The following RIPOR3 variants were observed in gnomAD, a reference collection of about 807,000 sequenced individuals.
RIPOR3 encodes the protein RIPOR family member 3.
In RIPOR3, 95 loss-of-function variants were observed where a neutral mutation model predicts 114.3. The ratio of observed to expected loss-of-function variants is 0.83; its 90% CI spans 0.70 to 0.99. The LOEUF (loss-of-function observed/expected upper bound fraction) is 0.99. Ranked by LOEUF, RIPOR3 falls within the 50% of genes least tolerant of loss-of-function variation. The pLI, the probability that RIPOR3 is intolerant of heterozygous loss-of-function variation, is 0.00. For missense variants in RIPOR3, 1,252 were observed against 1,266.9 expected (o/e 0.99, Z 0.18); for synonymous variants, 575 against 543.8 (o/e 1.06, Z -0.80).
In RIPOR3 at chr20:50,610,883, G is replaced by A; in HGVS notation, c.396C>T (p.His132=). Residue 132 remains histidine, a synonymous_variant, in exon 6 of 22, where the codon CAC becomes CAT. Transcript: ENST00000327979. ...TGATGTGAAACTCCATCTTCCGAAT[G>A]TGCCTTTCCACACAGCGCGTTTGCT... ...LDKQTRCVER[H]IRKMEFHISK... is the part of the protein sequence containing the mutation. 4 of 1,614,220 alleles carry A rather than the reference G, an allele frequency of 2.5e-6. No individual in the cohort carries two copies. Among genetic ancestry groups the A allele is most frequent in the Non-Finnish European group, 3.4e-6 (4 of 1,180,046 alleles).
chr20:50,641,671 C>T (rs2085201842), intron 1 of RIPOR3, among the ~76,000 whole-genome samples: 1 of 152,248 alleles, frequency 6.6e-6, no homozygotes, highest in South Asian at 2.1e-4. Context: ...CTCCAGGCCA[C>T]AGGCTCCTTC....
chr20:50,633,702 G>T (rs920420391), intron 1 of RIPOR3, among the ~76,000 whole-genome samples: 30 of 152,146 alleles, frequency 2.0e-4, no homozygotes, highest in Admixed American at 1.7e-3. Flanking sequence ...CCACTTCAAG[G>T]TCAGAGAGAA....
At chr20:50,624,306 G>A (rs1178303023) in intron 2 of RIPOR3, among the ~76,000 whole-genome samples, 1 of 152,194 alleles carries the variant, frequency 6.6e-6, no homozygotes, top group Non-Finnish European at 1.5e-5. Context: ...CTCGGGAAAA[G>A]GCAGGTTTCT....
Position 50,619,999 on chromosome 20 carries a change from T to C in RIPOR3, c.256A>G (p.Lys86Glu). 6.2e-7 allele frequency: 1 copy of C among 1,612,466 alleles called. No individual in the cohort carries two copies. The highest frequency in any genetic ancestry group is 1.7e-5 in the Admixed American group (1 of 59,992). ...QQVKKIFEAL[K>E]RGLKEYLCVQ... ...GCCCAGCCTTACTTGAGGCCTCTTTTCAATGCTTCGAAGATCTTCTTCACC... is the reference window on the plus strand; with the variant it reads ...GCCCAGCCTTACTTGAGGCCTCTTTCCAATGCTTCGAAGATCTTCTTCACC... Residue 86 changes from lysine to glutamate, a missense_variant, in exon 3 of 22, where the codon AAA becomes GAA. Lys to Glu is a moderately conservative substitution (Grantham distance 56). Coordinates refer to ENST00000327979, the MANE Select transcript of RIPOR3 (RefSeq NM_001290268.2).
intron 2 of RIPOR3, among the ~76,000 whole-genome samples, chr20:50,627,958 C>T (rs1402016482): frequency 6.6e-6 from 1 of 152,220 alleles, no homozygotes; most frequent in Non-Finnish European, 1.5e-5. Context: ...CAGCCCCACT[C>T]CAGGGCACAC....
At chr20:50,616,897 C>T (rs2084193359) in intron 3 of RIPOR3, among the ~76,000 whole-genome samples, 1 of 152,202 alleles carries the variant, frequency 6.6e-6, no homozygotes, top group Non-Finnish European at 1.5e-5. Context: ...AATCCTAACA[C>T]TTTGGGAGGC....
intron 1 of RIPOR3, among the ~76,000 whole-genome samples, chr20:50,634,271 C>T (rs1008268337): frequency 4.6e-5 from 7 of 152,040 alleles, no homozygotes; most frequent in African/African-American, 9.7e-5. Flanking sequence ...CGTGAGCCAC[C>T]GCGCCTGACC....
At chr20:50,597,523 G>T in intron 14 of RIPOR3, 57 bp downstream of exon 14, 1 of 1,558,756 alleles carries the variant, frequency 6.4e-7, no homozygotes, top group East Asian at 2.4e-5. Flanking sequence ...CGTGGAGCTC[G>T]GGTCACCCGG....
At chr20:50,632,772 C>A (rs973049034) in intron 1 of RIPOR3, among the ~76,000 whole-genome samples, 2 of 152,196 alleles carry the variant, frequency 1.3e-5, no homozygotes, top group Non-Finnish European at 2.9e-5. Context: ...AACTGAGGCT[C>A]AGAGAGGTGA....
intron 1 of RIPOR3, among the ~76,000 whole-genome samples, chr20:50,671,376 C>T (rs758537786): frequency 8.6e-5 from 13 of 151,992 alleles, no homozygotes; most frequent in African/African-American, 2.4e-5. Flanking sequence ...GTGACTTCCA[C>T]CTTTCTCTCT....
At chr20:50,617,892 G>A (rs2084238884) in intron 3 of RIPOR3, among the ~76,000 whole-genome samples, 1 of 152,004 alleles carries the variant, frequency 6.6e-6, no homozygotes, top group East Asian at 1.9e-4. Flanking sequence ...AAAGTGCTAA[G>A]ATTACAGGCC....
Position 50,602,345 on chromosome 20 carries a change from G to A in RIPOR3, c.1386C>T (p.Leu462=). The part of the protein sequence containing the change: ...PPGLLPEMAH[L]SGGPFAEQPG... ...GCTGCTCTGCAAACGGGCCTCCAGA[G>A]AGGTGGGCCATCTCTGGCAGGAGAC... Residue 462 remains leucine, a synonymous_variant, in exon 13 of 22, where the codon CTC becomes CTT. Coordinates refer to ENST00000327979, the MANE Select transcript of RIPOR3 (RefSeq NM_001290268.2). The surrounding 1 kb of genome is among the most constrained non-coding windows in gnomAD (Gnocchi z 4.3). The A allele has an allele frequency of 6.2e-7, 1 of 1,613,862 alleles. No homozygotes were observed. Among genetic ancestry groups the A allele is most frequent in the Non-Finnish European group, 8.5e-7 (1 of 1,179,986 alleles).
chr20:50,608,987 G>A (rs767152142), intron 8 of RIPOR3, 32 bp from the exon 9 acceptor site: 14 of 1,556,370 alleles, frequency 9.0e-6, no homozygotes, highest in Non-Finnish European at 1.1e-5. Flanking sequence ...TCTCCCCTCC[G>A]CCTTCCACTC....
chr20:50,687,383 C>T (rs1295750223), intron 1 of RIPOR3, among the ~76,000 whole-genome samples: 1 of 152,196 alleles, frequency 6.6e-6, no homozygotes, highest in Admixed American at 6.5e-5. Context: ...CATCCAAGGC[C>T]CATGCCTGGG....
intron 1 of RIPOR3, among the ~76,000 whole-genome samples, chr20:50,679,401 G>T (rs2086788784): frequency 6.6e-6 from 1 of 150,448 alleles, no homozygotes; most frequent in African/African-American, 2.4e-5. Context: ...CCAGCAATTT[G>T]GGAGGCTGAG....
chr20:50,613,059 C>T (rs750079897), intron 4 of RIPOR3, among the ~76,000 whole-genome samples: 6 of 152,190 alleles, frequency 3.9e-5, no homozygotes, highest in Non-Finnish European at 8.8e-5. Context: ...TACCACTGCA[C>T]TTCACCCTGG....
chr20:50,596,560 T>C (rs2083298108), intron 14 of RIPOR3, among the ~76,000 whole-genome samples: 1 of 152,030 alleles, frequency 6.6e-6, no homozygotes, highest in African/African-American at 2.4e-5. Context: ...CAAGTCTGCC[T>C]CCCCAAGGCT....
intron 1 of RIPOR3, among the ~76,000 whole-genome samples, chr20:50,676,092 A>C (rs1301779900): frequency 1.3e-5 from 2 of 152,226 alleles, no homozygotes; most frequent in East Asian, 1.9e-4. Context: ...TTTTTCCACC[A>C]GGAAACAAGA....
chr20:50,619,967 G>GCA lies in RIPOR3; in HGVS notation c.269+17_269+18dup. On this transcript the variant is annotated intron_variant, in intron 3 of 21. Coordinates refer to ENST00000327979, the MANE Select transcript of RIPOR3 (RefSeq NM_001290268.2). ...TAGAGGAATGCACTTCTTAAAGGCA[G>GCA]CACACAGCCCAGCCTTACTTGAGGC... 1.2e-6 allele frequency: 2 copies of GCA among 1,604,480 alleles called. No homozygotes were observed. Among genetic ancestry groups the GCA allele is most frequent in the Non-Finnish European group, 1.7e-6 (2 of 1,172,238 alleles).
Sources: allele counts gnomAD v4.1 joint callset (sites outside exome capture counted in the v4.1 genomes callset), GRCh38; gene constraint gnomAD v4.1.1; non-coding constraint Gnocchi (gnomAD v3.1); transcripts MANE v1.5; gene names NCBI Gene and HGNC (gene_info 2026-07-23, HGNC 2026-07-21).